GMFB: variants seen among roughly 807,000 people sequenced by gnomAD.
The protein encoded by GMFB is glia maturation factor beta.
Under a neutral mutation model 25.6 loss-of-function variants are expected in GMFB, and 13 were observed. That is an observed-to-expected ratio of 0.51 (90% CI 0.33 to 0.81). The LOEUF (loss-of-function observed/expected upper bound fraction) is 0.81. Among genes scored for constraint, GMFB ranks in the 30% least tolerant of loss-of-function variants. The probability of loss-of-function intolerance (pLI) is 0.02; values close to 1 mark genes in which losing one functional copy is unlikely to be tolerated. For missense variants in GMFB, 146 were observed against 175.4 expected (o/e 0.83, Z 0.95); for synonymous variants, 57 against 56.9 (o/e 1.00, Z 0.00).
chr14:54,476,591 C>T lies in GMFB; in HGVS notation c.*1497G>A, dbSNP rs2031643316. ...CCTCATCTCCAACTTTCTATTGCTT[C>T]CTGACTTCTAAATTAGTGAAGCCAA... On this transcript the variant is annotated 3_prime_UTR_variant, in exon 7 of 7. Transcript: ENST00000358056. The T allele has an allele frequency of 6.6e-6, 1 of 152,032 alleles. No homozygotes were observed. Among genetic ancestry groups the T allele is most frequent in the South Asian group, 2.1e-4 (1 of 4,832 alleles). The allele number at this position is 152,032 out of a possible 1,614,324, so 9.4% of individuals were successfully genotyped here.
rs376566387 is a variant in GMFB, at chr14:54,478,068, T to C, written c.*20A>G. ...TGGTCAGGTTAATACATAAATACTT[T>C]AGAAACACAGAAGTTCACATTAGTG... On this transcript the variant is annotated 3_prime_UTR_variant, in exon 7 of 7. Transcript: ENST00000358056. 1.7e-4 allele frequency: 205 copies of C among 1,175,350 alleles called. 1 individual carries two copies. In the African/African-American group the frequency reaches 2.9e-3, roughly 17 times the overall value. 72.8% of individuals were successfully genotyped at this position (1,175,350 alleles called of 1,614,324 possible). A position where few individuals can be genotyped will look rare whatever the true frequency, so the allele number is the denominator to read the frequency against.
rs906504732 is a variant in GMFB at position 54,478,164 on chromosome 14, A to T, written c.358-5T>A. The T allele has an allele frequency of 4.5e-5, 31 of 685,652 alleles. No homozygotes were observed. Among genetic ancestry groups the T allele is most frequent in the African/African-American group, 8.2e-5 (4 of 48,918 alleles). The allele number at this position is 685,652 out of a possible 1,614,324, so 42.5% of individuals were successfully genotyped here. On this transcript the variant is annotated splice_polypyrimidine_tract_variant and splice_region_variant and intron_variant, in intron 6 of 6. Transcript: ENST00000358056. ...GGTATTTCTTATTTCAAATACCTTT[A>T]AAAAAAAAAAAAACTTGGGTCATAC...
In GMFB at chr14:54,476,418, C is replaced by G. The variant is rs2031641267; in HGVS notation, c.*1670G>C. 6.6e-6 allele frequency: 1 copy of G among 152,048 alleles called. No individual in the cohort carries two copies. The highest frequency in any genetic ancestry group is 1.5e-5 in the Non-Finnish European group (1 of 67,914). 9.4% of individuals were successfully genotyped at this position (152,048 alleles called of 1,614,324 possible). ...CACTTGGATTACATGTGCATTCCTA[C>G]AGAATTATATGCATGTTATTCTCCA... is the stretch of plus-strand genomic sequence containing the variant. On this transcript the variant is annotated 3_prime_UTR_variant, in exon 7 of 7. Transcript: ENST00000358056.
intron 1 of GMFB, among the ~76,000 whole-genome samples, chr14:54,488,048 A>T (rs2031812515): frequency 6.6e-6 from 1 of 152,228 alleles, no homozygotes; most frequent in Non-Finnish European, 1.5e-5. Flanking sequence ...GTCAGAGAAG[A>T]CGAAAACTGA....
intron 5 of GMFB, 138 bp from the exon 6 acceptor site, chr14:54,479,997 T>C (rs2031689949): frequency 1.7e-6 from 1 of 599,632 alleles, no homozygotes. Context: ...GGGTTGTATT[T>C]TGAGTCTTAC....
rs765444926 is a variant in GMFB at position 54,488,905 on chromosome 14, C to A, written c.3+20G>T. On this transcript the variant is annotated intron_variant, in intron 1 of 6. Transcript: ENST00000358056. ...GGCTCGCCCAGCCCTCCGGCCCCCG[C>A]CCTCCCAGCGGCAACTCACCATTTT... The A allele has an allele frequency of 8.3e-6, 13 of 1,558,948 alleles. No individual in the cohort carries two copies. In the Admixed American group the frequency reaches 1.5e-4, roughly 18 times the overall value.
At chr14:54,486,997 A>G (rs537358440) in intron 1 of GMFB, among the ~76,000 whole-genome samples, 11 of 152,312 alleles carry the variant, frequency 7.2e-5, no homozygotes, top group African/African-American at 2.6e-4. Flanking sequence ...AGGTTTGAGG[A>G]GAAAGGGCAT....
Position 54,485,827 on chromosome 14 carries a change from G to A in GMFB, c.4-2060C>T, listed in dbSNP as rs141658291. Among the ~76,000 whole-genome samples the A allele has an allele frequency of 5.1e-4, 77 of 151,832 alleles. No homozygotes were observed. In the East Asian group the frequency reaches 0.013, roughly 26 times the overall value. On this transcript the variant is annotated intron_variant, in intron 1 of 6. Transcript: ENST00000358056. Reference sequence around the variant, plus strand: ...ACACAGGCCAATGAAACAGAATAGAGAACCCAGAAGTAAATCTACACATTT... The same window carrying A: ...ACACAGGCCAATGAAACAGAATAGAAAACCCAGAAGTAAATCTACACATTT...
chr14:54,480,827 T>C, intron 5 of GMFB, 47 bp downstream of exon 5: 1 of 937,592 alleles, frequency 1.1e-6, no homozygotes, highest in Non-Finnish European at 1.7e-6. Context: ...TAAAATGGCT[T>C]AATTGGATCT....
At chr14:54,480,063 C>A (rs1303743299) in intron 5 of GMFB, 1 of 440,072 alleles carries the variant, frequency 2.3e-6, no homozygotes, top group African/African-American at 2.0e-5. Context: ...AAGAACAAGT[C>A]TACAGGTTGG....
At chr14:54,480,768 G>T in intron 5 of GMFB, 106 bp downstream of exon 5, 1 of 660,764 alleles carries the variant, frequency 1.5e-6, no homozygotes, top group South Asian at 1.8e-5. Flanking sequence ...CTCAATTTAG[G>T]TTATTCAACA....
intron 1 of GMFB, among the ~76,000 whole-genome samples, chr14:54,485,711 C>T (rs1388283341): frequency 1.2e-4 from 18 of 152,144 alleles, no homozygotes; most frequent in African/African-American, 4.1e-4. Context: ...ATAGCCAAAG[C>T]AACCCTCAGC....
At chr14:54,488,099 C>G (rs978750681) in intron 1 of GMFB, among the ~76,000 whole-genome samples, 1 of 152,156 alleles carries the variant, frequency 6.6e-6, no homozygotes, top group Non-Finnish European at 1.5e-5. Context: ...AAGATCTATT[C>G]GATGAAAGTG....
chr14:54,479,858 T>A lies in GMFB; in HGVS notation c.285A>T (p.Gly95=), dbSNP rs145015405. 53 of 1,587,716 alleles carry A rather than the reference T, an allele frequency of 3.3e-5. No homozygotes were observed. The African/African-American group carries it at 6.3e-4, about 19-fold the overall frequency. ...PLCFIFSSPV[G]CKPEQQMMYA... ...ACATCATCTGTTGTTCAGGCTTACA[T>A]CCTGGAAAAGAGAGATTAGTGTAGA... Residue 95 remains glycine (G), a splice_region_variant and synonymous_variant, in exon 6 of 7, where the codon GGA becomes GGT. Coordinates refer to ENST00000358056, the MANE Select transcript of GMFB (RefSeq NM_004124.3).
At chr14:54,479,914 G>A in intron 5 of GMFB, 55 bp from the exon 6 acceptor site, 1 of 979,970 alleles carries the variant, frequency 1.0e-6, no homozygotes, top group South Asian at 1.3e-5. Context: ...AAAGGTATGG[G>A]TTATCATTAT....
Position 54,488,968 on chromosome 14 carries a change from C to G in GMFB, c.-41G>C. 1 of 1,541,050 alleles carries G rather than the reference C, an allele frequency of 6.5e-7. No individual in the cohort carries two copies. Among genetic ancestry groups the G allele is most frequent in the East Asian group, 2.7e-5 (1 of 37,350 alleles). ...CAGCGGCCTGTCGCCTACACTCGGG[C>G]GCCTTTAAGAATGGCACGGCGGCCG... On this transcript the variant is annotated 5_prime_UTR_variant, in exon 1 of 7. Transcript: ENST00000358056.
At chr14:54,488,881 G>A (rs2031826760) in intron 1 of GMFB, 44 bp downstream of exon 1, 1 of 1,530,530 alleles carries the variant, frequency 6.5e-7, no homozygotes, top group South Asian at 1.2e-5. Flanking sequence ...CGGCTGGCCG[G>A]CTCGCCCAGC....
intron 2 of GMFB, 101 bp downstream of exon 2, chr14:54,483,570 G>T: frequency 1.5e-6 from 1 of 656,272 alleles, no homozygotes; most frequent in Non-Finnish European, 2.7e-6. Context: ...TGAAACAGAG[G>T]AAGTAACATT....
chr14:54,483,760 G>T lies in GMFB; in HGVS notation c.11C>A (p.Ser4Tyr). MSE[S>Y]LVVCDVAEDL... is the part of the protein sequence containing the mutation. ...TTCGGCAACATCACAAACAACCAAA[G>T]ACTCACTCTATAAAAGAAAAAAAAC... is the stretch of plus-strand genomic sequence containing the variant. Residue 4 changes from serine (S) to tyrosine (Y), a missense_variant, in exon 2 of 7, where the codon TCT (serine) becomes TAT (tyrosine). Physicochemically the swap from Ser to Tyr is moderately radical, Grantham distance 144. Transcript: ENST00000358056. 1 of 1,590,998 alleles carries T rather than the reference G, an allele frequency of 6.3e-7. No individual in the cohort carries two copies. The highest frequency in any genetic ancestry group is 8.6e-7 in the Non-Finnish European group (1 of 1,160,678).
Sources: allele counts gnomAD v4.1 joint callset (sites outside exome capture counted in the v4.1 genomes callset), GRCh38; gene constraint gnomAD v4.1.1; transcripts MANE v1.5; gene names NCBI Gene and HGNC (gene_info 2026-07-23, HGNC 2026-07-21).